Variants in VWC2L observed in about 807,000 individuals in gnomAD.
VWC2L encodes von Willebrand factor C domain containing 2 like, also known as von Willebrand factor C domain-containing protein 2-like.
In VWC2L, 10 loss-of-function variants were observed where a neutral mutation model predicts 21.6. The observed-to-expected ratio is 0.46, with a 90% CI of 0.29 to 0.78. The LOEUF (loss-of-function observed/expected upper bound fraction) is 0.78, where lower values mean the gene tolerates loss of function less well. Ranked by LOEUF, VWC2L falls within the 30% of genes least tolerant of loss-of-function variation. The pLI is 0.10. For synonymous variants in VWC2L, 96 were observed against 94.3 expected, an observed-to-expected ratio of 1.02 and a Z score of -0.10; for missense variants, 209 against 277.1, an observed-to-expected ratio of 0.75 and a Z score of 1.74.
chr2:214,479,873 G>C (rs184943880), intron 3 of VWC2L, among the ~76,000 whole-genome samples: 1 of 152,158 alleles, frequency 6.6e-6, no homozygotes, highest in African/African-American at 2.4e-5. Context: ...ATACTTCACT[G>C]CACTTGGCCC....
At position 214,411,521 on chromosome 2, in the gene VWC2L, T is replaced by C. The variant is rs796291617; in HGVS notation, c.-346T>C. On this transcript the variant is annotated 5_prime_UTR_variant, in exon 1 of 4. Transcript: ENST00000312504. ...GGGTCTGGATTTCTACAGGACCAGC[T>C]TTGCTTCTTGCTTTGAATTCTGAAG... 1.3e-5 allele frequency: 2 copies of C among 152,238 alleles called. No homozygotes were observed. The highest frequency in any genetic ancestry group is 2.4e-5 in the African/African-American group (1 of 41,468). The allele number at this position is 152,238 out of a possible 1,614,324, so 9.4% of individuals were successfully genotyped here.
chr2:214,567,616 A>AGC (rs58623471), intron 3 of VWC2L, among the ~76,000 whole-genome samples: 67 of 147,820 alleles, frequency 4.5e-4, no homozygotes, highest in Non-Finnish European at 7.7e-4. Context: ...AGAGAGAGAG[A>AGC]TAATTAAAAC....
At chr2:214,460,450 CT>C (rs573369307) in intron 3 of VWC2L, among the ~76,000 whole-genome samples, 87 of 152,020 alleles carry the variant, frequency 5.7e-4, no homozygotes, top group African/African-American at 2.0e-3. Flanking sequence ...TTCTTCATTC[CT>C]TTTTATTCTC....
At chr2:214,527,454 AG>A (rs1689360573) in intron 3 of VWC2L, among the ~76,000 whole-genome samples, 1 of 152,234 alleles carries the variant, frequency 6.6e-6, no homozygotes, top group Non-Finnish European at 1.5e-5. Context: ...CATTGTGCTT[AG>A]AATGGAATCC....
chr2:214,452,887 T>C (rs115521955), intron 3 of VWC2L, among the ~76,000 whole-genome samples: 2,499 of 152,332 alleles, frequency 0.016, 61 homozygotes, highest in African/African-American at 0.055. Flanking sequence ...GTATCTTCTT[T>C]GGTGAAATGT....
chr2:214,511,398 C>A (rs1411149309), intron 3 of VWC2L, among the ~76,000 whole-genome samples: 2 of 152,094 alleles, frequency 1.3e-5, no homozygotes, highest in Non-Finnish European at 2.9e-5. Context: ...GGAGATAGAG[C>A]CTTTAGGAGA....
chr2:214,441,491 A>G (rs948359167), intron 3 of VWC2L, among the ~76,000 whole-genome samples: 5 of 152,264 alleles, frequency 3.3e-5, no homozygotes, highest in African/African-American at 1.2e-4. Context: ...ATAATGTGGG[A>G]TTGATGGTGC....
chr2:214,515,632 C>A (rs1334872876), intron 3 of VWC2L, among the ~76,000 whole-genome samples: 1 of 152,200 alleles, frequency 6.6e-6, no homozygotes, highest in African/African-American at 2.4e-5. Flanking sequence ...TGGCTCACTG[C>A]AACCCCCGCC....
chr2:214,508,843 T>C (rs1026846202), intron 3 of VWC2L, among the ~76,000 whole-genome samples: 3 of 152,214 alleles, frequency 2.0e-5, no homozygotes, highest in Non-Finnish European at 4.4e-5. Flanking sequence ...GAGAATTTAA[T>C]CTGAGTTTTA....
At chr2:214,439,384 T>A (rs1211091503) in intron 3 of VWC2L, among the ~76,000 whole-genome samples, 1 of 152,000 alleles carries the variant, frequency 6.6e-6, no homozygotes, top group Non-Finnish European at 1.5e-5. Context: ...AATATGCCCA[T>A]TATAGTATAA....
At chr2:214,455,515 C>T (rs943874312) in intron 3 of VWC2L, among the ~76,000 whole-genome samples, 8 of 152,284 alleles carry the variant, frequency 5.3e-5, no homozygotes, top group Admixed American at 3.9e-4. Flanking sequence ...TATTCATCGC[C>T]ACTAGCATTT....
intron 3 of VWC2L, among the ~76,000 whole-genome samples, chr2:214,510,822 A>C (rs1323854028): frequency 6.6e-6 from 1 of 152,224 alleles, no homozygotes; most frequent in Non-Finnish European, 1.5e-5. Context: ...TGGTAGACAG[A>C]ATAAAGGCAA....
chr2:214,539,672 G>T (rs1296465522), intron 3 of VWC2L, among the ~76,000 whole-genome samples: 1 of 152,082 alleles, frequency 6.6e-6, no homozygotes, highest in Non-Finnish European at 1.5e-5. Flanking sequence ...GCTTCTTATT[G>T]ATAGGCAATT....
chr2:214,518,098 C>T (rs1048128309), intron 3 of VWC2L, among the ~76,000 whole-genome samples: 7 of 151,700 alleles, frequency 4.6e-5, no homozygotes, highest in African/African-American at 1.5e-4. Context: ...CTCAGGAGGC[C>T]GAGCTTGCAG....
At chr2:214,520,360 G>A (rs1178490241) in intron 3 of VWC2L, among the ~76,000 whole-genome samples, 1 of 152,058 alleles carries the variant, frequency 6.6e-6, no homozygotes, top group Non-Finnish European at 1.5e-5. Context: ...TTTAATGTCT[G>A]TAAATATTCC....
chr2:214,547,078 C>T (rs547991753), intron 3 of VWC2L, among the ~76,000 whole-genome samples: 13 of 152,174 alleles, frequency 8.5e-5, no homozygotes, highest in Admixed American at 4.6e-4. Flanking sequence ...AAAAAGAAGA[C>T]GGTCAGCTCA....
chr2:214,551,321 A>G (rs1027474115), intron 3 of VWC2L, among the ~76,000 whole-genome samples: 1 of 152,172 alleles, frequency 6.6e-6, no homozygotes, highest in Non-Finnish European at 1.5e-5. Context: ...AATTTTACAA[A>G]TCTTCTTATT....
At chr2:214,567,547 TACACAC>T (rs71409879) in intron 3 of VWC2L, among the ~76,000 whole-genome samples, 11,004 of 119,720 alleles carry the variant, frequency 0.092, 620 homozygotes, top group Admixed American at 0.12. Flanking sequence ...TTCATCCACA[TACACAC>T]ACACACACAC....
chr2:214,558,429 A>G (rs146780839), intron 3 of VWC2L, among the ~76,000 whole-genome samples: 1,611 of 152,254 alleles, frequency 0.011, 8 homozygotes, highest in Middle Eastern at 0.024. Flanking sequence ...AAACTTTCTA[A>G]CATTGACCTC....
Sources: gnomAD v4.1 joint callset for allele counts (sites outside exome capture counted in the v4.1 genomes callset) on GRCh38, gnomAD v4.1.1 for gene constraint, MANE v1.5 for transcripts, NCBI Gene and HGNC (gene_info 2026-07-23, HGNC 2026-07-21) for gene names.